Variants in NLRP2 observed in about 807,000 individuals in gnomAD.
NLRP2 encodes the protein NLR family pyrin domain containing 2.
Under a neutral mutation model 97.2 loss-of-function variants are expected in NLRP2, and 107 were observed. That is an observed-to-expected ratio of 1.10 (90% CI 0.94 to 1.29). NLRP2 has a LOEUF of 1.29. Among genes scored for constraint, NLRP2 ranks in the 50% most tolerant of loss-of-function variants. NLRP2 has a pLI of 0.00. For synonymous variants in NLRP2, 663 were observed against 551.5 expected (o/e 1.20, Z -2.83); for missense variants, 1,495 against 1,330.3 (o/e 1.12, Z -1.93).
chr19:54,970,530 C>T (rs1054841535), intron 2 of NLRP2, among the ~76,000 whole-genome samples: 11 of 151,986 alleles, frequency 7.2e-5, no homozygotes, highest in Admixed American at 2.0e-4. Context: ...TGGCAGACAC[C>T]TGTAATCCCA....
At position 54,994,447 on chromosome 19, in the gene NLRP2, A is replaced by G. The variant is rs754886821; in HGVS notation, c.2879+8A>G. On this transcript the variant is annotated splice_region_variant and intron_variant, in intron 11 of 12. Transcript: ENST00000448584. The stretch of plus-strand genomic sequence containing the variant: ...CAACTTGAGATGTCTGTGGTGAGTT[A>G]ACTTATAAGTTCAACTTCCTATACT... 11 of 1,612,192 alleles carry G rather than the reference A, an allele frequency of 6.8e-6. No individual in the cohort carries two copies. The highest frequency in any genetic ancestry group is 9.3e-6 in the Non-Finnish European group (11 of 1,179,900).
rs16986144 is a variant in NLRP2 at position 54,973,754 on chromosome 19, C to T, written c.281-746C>T. The T allele has an allele frequency of 1.6e-4, 81 of 500,644 alleles. 1 individual carries two copies. The highest frequency in any genetic ancestry group is 9.0e-4 in the South Asian group (59 of 65,402). 31.0% of individuals were successfully genotyped at this position (500,644 alleles called of 1,614,324 possible). A position where few individuals can be genotyped will look rare whatever the true frequency, so the allele number is the denominator to read the frequency against. On this transcript the variant is annotated intron_variant, in intron 2 of 12. Transcript: ENST00000448584. The stretch of plus-strand genomic sequence containing the variant: ...GGAAACCCAGAGAGTTGTAAACTTA[C>T]GAAGGTCTGGGCTCTGAAAAAGATA...
At chr19:54,976,922 C>G in intron 3 of NLRP2, 1 of 392,144 alleles carries the variant, frequency 2.6e-6, no homozygotes, top group South Asian at 1.9e-5. Flanking sequence ...TCAAGCAATT[C>G]CCTTGCCTCA....
At chr19:54,970,422 G>C in intron 2 of NLRP2, 127 bp downstream of exon 2, 1 of 1,066,108 alleles carries the variant, frequency 9.4e-7, no homozygotes, top group Non-Finnish European at 1.4e-6. Context: ...AGGCTGAGGC[G>C]GTTGGACCAC....
rs544759995 is a variant in NLRP2, at chr19:54,996,037, C to CAAAAA, written c.2880-1268_2880-1264dup. On this transcript the variant is annotated intron_variant, in intron 11 of 12. Transcript: ENST00000448584. ...CCTGGGTGACAGTGAGATCCTGTCTCAAAAAAAAAAAAAAAACAAAAAAAA... is the reference window on the plus strand; with the variant it reads ...CCTGGGTGACAGTGAGATCCTGTCTCAAAAAAAAAAAAAAAAAAAAACAAAAAAAA... Among the ~76,000 whole-genome samples the CAAAAA allele has an allele frequency of 1.2e-3, 90 of 73,224 alleles. 3 individuals are homozygous for CAAAAA. The highest frequency in any genetic ancestry group is 1.6e-3 in the Admixed American group (9 of 5,542). 48.0% of individuals were successfully genotyped at this position (73,224 alleles called of 152,430 possible).
chr19:54,967,421 G>T (rs572463767), intron 1 of NLRP2, among the ~76,000 whole-genome samples: 128 of 152,192 alleles, frequency 8.4e-4, no homozygotes, highest in Non-Finnish European at 1.4e-3. Context: ...AGCGGAGGTT[G>T]CGGGGAGCCT....
At chr19:54,978,760 TCG>T (rs1261024580) in intron 4 of NLRP2, among the ~76,000 whole-genome samples, 1 of 150,524 alleles carries the variant, frequency 6.6e-6, no homozygotes, top group Non-Finnish European at 1.5e-5. Context: ...GGCAGGAGAA[TCG>T]CTTGAACCCG....
chr19:54,994,291 A>G lies in NLRP2; in HGVS notation c.2731A>G (p.Ser911Gly). The change falls in exon 11 of 13, where the codon AGC becomes GGC. Residue 911 changes from serine to glycine, a missense_variant. Transcript: ENST00000448584. ...TLVLWNCDITSDGCCDLTKLL... is the reference protein window; with the variant it reads ...TLVLWNCDITGDGCCDLTKLL... The stretch of plus-strand genomic sequence containing the variant: ...TAGGCTTTGGAACTGCGACATAACT[A>G]GCGATGGCTGCTGCGATCTCACAAA... 6.2e-7 allele frequency: 1 copy of G among 1,614,122 alleles called. No homozygotes were observed. The highest frequency in any genetic ancestry group is 8.5e-7 in the Non-Finnish European group (1 of 1,180,020).
intron 8 of NLRP2, among the ~76,000 whole-genome samples, chr19:54,986,931 C>G (rs918574376): frequency 2.6e-5 from 4 of 151,928 alleles, no homozygotes; most frequent in Admixed American, 2.6e-4. Flanking sequence ...GTCACCCAGG[C>G]TGGAGTGCGT....
At chr19:54,979,176 G>A (rs2071422203) in intron 4 of NLRP2, among the ~76,000 whole-genome samples, 1 of 151,624 alleles carries the variant, frequency 6.6e-6, no homozygotes, top group African/African-American at 2.4e-5. Flanking sequence ...GTACAGATGG[G>A]GTTTCAACAG....
At chr19:54,966,646 G>T (rs967433035) in intron 1 of NLRP2, among the ~76,000 whole-genome samples, 179 bp downstream of exon 1, 1 of 151,468 alleles carries the variant, frequency 6.6e-6, no homozygotes, top group Non-Finnish European at 1.5e-5. Flanking sequence ...CCCGGGTTCA[G>T]GCCATTCTCC....
At chr19:54,978,074 T>G (rs996814044) in intron 4 of NLRP2, among the ~76,000 whole-genome samples, 2 of 152,100 alleles carry the variant, frequency 1.3e-5, no homozygotes, top group Admixed American at 1.3e-4. Context: ...GTTTTTGTTT[T>G]TGTTTTGAGA....
chr19:54,983,040 C>T lies in NLRP2; in HGVS notation c.1342C>T (p.Arg448Trp), dbSNP rs773882098. ...GGGCGCACAGCTGCGGGGCGCGCTG[C>T]GGACGCTGAGCCTCCTGGCCGCGCA... is the stretch of plus-strand genomic sequence containing the variant. Reference protein sequence around the residue: ...PQGAQLRGALRTLSLLAAQGL... With the variant: ...PQGAQLRGALWTLSLLAAQGL... Residue 448 changes from arginine to tryptophan, a missense_variant, in exon 6 of 13, where the codon CGG becomes TGG. Physicochemically the swap from Arg to Trp is moderately radical, Grantham distance 101. Transcript: ENST00000448584. 10 of 1,610,992 alleles carry T rather than the reference C, an allele frequency of 6.2e-6. No homozygotes were observed. The highest frequency in any genetic ancestry group is 1.7e-5 in the Admixed American group (1 of 59,902).
intron 11 of NLRP2, among the ~76,000 whole-genome samples, chr19:54,996,440 C>G (rs2072829042): frequency 6.6e-6 from 1 of 151,890 alleles, no homozygotes; most frequent in South Asian, 2.1e-4. Context: ...GAGGCAGAGG[C>G]TACAGTGAGC....
intron 5 of NLRP2, 149 bp downstream of exon 5, chr19:54,981,831 T>G (rs1487566645): frequency 1.4e-6 from 1 of 709,436 alleles, no homozygotes; most frequent in African/African-American, 1.8e-5. Flanking sequence ...CAGGCTGGAG[T>G]GCCGTGGCGT....
At chr19:54,995,223 T>C (rs2072743162) in intron 11 of NLRP2, among the ~76,000 whole-genome samples, 1 of 127,842 alleles carries the variant, frequency 7.8e-6, no homozygotes. Context: ...ATAGTTTCAC[T>C]CTTGTTGCCC....
At chr19:54,985,575 G>A (rs547731526) in intron 7 of NLRP2, among the ~76,000 whole-genome samples, 1 of 151,322 alleles carries the variant, frequency 6.6e-6, no homozygotes, top group South Asian at 2.1e-4. Flanking sequence ...CTACTTGGGA[G>A]GCTGAGGCAG....
chr19:54,988,131 A>G (rs1008969883), intron 8 of NLRP2, among the ~76,000 whole-genome samples: 8 of 152,260 alleles, frequency 5.3e-5, no homozygotes, highest in African/African-American at 1.9e-4. Flanking sequence ...GATGCTGTAC[A>G]TCTTACAGGT....
At position 54,970,215 on chromosome 19, in the gene NLRP2, G is replaced by C. The variant is rs774992658; in HGVS notation, c.200G>C (p.Trp67Ser). 1 of 1,614,180 alleles carries C rather than the reference G, an allele frequency of 6.2e-7. No homozygotes were observed. Among genetic ancestry groups the C allele is most frequent in the Admixed American group, 1.7e-5 (1 of 59,992 alleles). The change falls in exon 2 of 13, where the codon TGG becomes TCG. Residue 67 changes from tryptophan (W) to serine (S), a missense_variant. Transcript: ENST00000448584. ...EILTTHCDSY[W>S]VEMASLQVFE... is the part of the protein sequence containing the mutation. ...CTCACCACCCATTGTGACAGCTACTGGGTGGAGATGGCGAGCCTCCAGGTC... is the reference window on the plus strand; with the variant it reads ...CTCACCACCCATTGTGACAGCTACTCGGTGGAGATGGCGAGCCTCCAGGTC...
Sources: gnomAD v4.1 joint callset for allele counts (sites outside exome capture counted in the v4.1 genomes callset) on GRCh38, gnomAD v4.1.1 for gene constraint, MANE v1.5 for transcripts, NCBI Gene and HGNC (gene_info 2026-07-23, HGNC 2026-07-21) for gene names.